MERTK: variants seen among roughly 807,000 people sequenced by gnomAD.
MERTK encodes the protein MER proto-oncogene, tyrosine kinase.
In MERTK, 69 loss-of-function variants were observed where a neutral mutation model predicts 99.3. That is an observed-to-expected ratio of 0.70 (90% CI 0.57 to 0.85). MERTK has a LOEUF of 0.85. Among genes scored for constraint, MERTK ranks in the 40% least tolerant of loss-of-function variants. The probability of loss-of-function intolerance (pLI) is 0.00; values close to 1 mark genes in which losing one functional copy is unlikely to be tolerated. For missense variants in MERTK, 1,125 were observed against 1,249.4 expected, an observed-to-expected ratio of 0.90 and a Z score of 1.50; for synonymous variants, 426 against 467.6, an observed-to-expected ratio of 0.91 and a Z score of 1.15.
At chr2:111,975,599 T>C in intron 7 of MERTK, 127 bp downstream of exon 7, 1 of 977,108 alleles carries the variant, frequency 1.0e-6, no homozygotes, top group Admixed American at 1.9e-5. Context: ...GAGAAAATTA[T>C]TGAGGCGACT....
In MERTK at chr2:112,019,497, C is replaced by T. The variant is rs541717028; in HGVS notation, c.2164C>T (p.Arg722Ter). ...EYLSNRNFLH[R>*]DLAARNCMLR... is the part of the protein sequence containing the mutation. ...TCTGAGCAACAGGAATTTTCTTCAT[C>T]GAGATTTAGCTGCTCGAAACTGCAT... The change falls in exon 16 of 19, where the codon CGA (arginine) becomes TGA (stop). Residue 722 changes from arginine to a stop codon, truncating the protein, a stop_gained. Coordinates refer to ENST00000295408, the MANE Select transcript of MERTK (RefSeq NM_006343.3). LOFTEE classifies it high-confidence loss of function. 19 of 1,613,284 alleles carry T rather than the reference C, an allele frequency of 1.2e-5. No homozygotes were observed. Among genetic ancestry groups the T allele is most frequent in the African/African-American group, 4.0e-5 (3 of 74,984 alleles).
intron 7 of MERTK, among the ~76,000 whole-genome samples, chr2:111,977,367 A>G (rs1016565984): frequency 6.6e-6 from 1 of 152,272 alleles, no homozygotes; most frequent in Middle Eastern, 3.4e-3. Context: ...TTTTACTTTC[A>G]GTACATTAAA....
chr2:111,961,231 G>T (rs964668911), intron 4 of MERTK, among the ~76,000 whole-genome samples: 1 of 139,038 alleles, frequency 7.2e-6, no homozygotes, highest in Non-Finnish European at 1.5e-5. Context: ...GTGTGATCTC[G>T]GCTCACTGCA....
rs1676771800 is a variant in MERTK, at chr2:111,997,429, A to G, written c.1557A>G (p.Leu519=). 1.2e-6 allele frequency: 2 copies of G among 1,613,952 alleles called. No individual in the cohort carries two copies. The highest frequency in any genetic ancestry group is 1.7e-5 in the Admixed American group (1 of 59,990). Residue 519 remains leucine, a synonymous_variant, in exon 10 of 19, where the codon TTA becomes TTG. Coordinates refer to ENST00000295408, the MANE Select transcript of MERTK (RefSeq NM_006343.3). ...FCGFILIGLI[L]YISLAIRKRV... ...GATTTATTTTGATTGGGTTGATTTT[A>G]TACATCTCCTTGGCCATCAGAAAAA...
At chr2:112,009,494 C>A (rs1024615818) in intron 14 of MERTK, among the ~76,000 whole-genome samples, 1 of 152,218 alleles carries the variant, frequency 6.6e-6, no homozygotes, top group African/African-American at 2.4e-5. Context: ...GACTTCTTCA[C>A]GTGATTAAAT....
At chr2:111,948,343 T>C (rs1684996801) in intron 4 of MERTK, among the ~76,000 whole-genome samples, 1 of 152,174 alleles carries the variant, frequency 6.6e-6, no homozygotes, top group Admixed American at 6.5e-5. Context: ...GAGTTTTGAA[T>C]GGCAGGGCTC....
At chr2:111,918,803 T>G (rs1684401726) in intron 1 of MERTK, among the ~76,000 whole-genome samples, 1 of 152,186 alleles carries the variant, frequency 6.6e-6, no homozygotes, top group African/African-American at 2.4e-5. Context: ...TGTGCATTGT[T>G]TCACGTGCAA....
At chr2:111,958,574 A>C (rs1241925480) in intron 4 of MERTK, among the ~76,000 whole-genome samples, 3 of 152,142 alleles carry the variant, frequency 2.0e-5, no homozygotes, top group African/African-American at 7.2e-5. Context: ...GACCTTGTAC[A>C]CTGTTTTAAT....
At chr2:112,019,144 C>G (rs1677279314) in intron 15 of MERTK, among the ~76,000 whole-genome samples, 1 of 152,082 alleles carries the variant, frequency 6.6e-6, no homozygotes, top group Non-Finnish European at 1.5e-5. Flanking sequence ...GACCTCATAC[C>G]TTCTAAAAAG....
intron 2 of MERTK, 107 bp downstream of exon 2, chr2:111,929,647 C>A: frequency 4.4e-6 from 4 of 900,978 alleles, no homozygotes; most frequent in Non-Finnish European, 6.2e-6. Context: ...AGTGCAGTGG[C>A]ACGATCTCAG....
intron 15 of MERTK, chr2:112,013,483 A>G (rs1677150922): frequency 6.5e-6 from 1 of 154,390 alleles, no homozygotes; most frequent in Non-Finnish European, 1.5e-5. Flanking sequence ...CCTTCACGTC[A>G]CTACATACAC....
chr2:111,983,368 G>A (rs929575175), intron 8 of MERTK, among the ~76,000 whole-genome samples: 3 of 152,194 alleles, frequency 2.0e-5, no homozygotes, highest in African/African-American at 7.2e-5. Flanking sequence ...GGGCTTAGCA[G>A]TCCAGCAATT....
At chr2:111,900,918 G>GGGA (rs1684031175) in intron 1 of MERTK, among the ~76,000 whole-genome samples, 2 of 152,146 alleles carry the variant, frequency 1.3e-5, no homozygotes, top group African/African-American at 4.8e-5. Flanking sequence ...GACCACACAG[G>GGGA]GGAGACAGAG....
intron 1 of MERTK, among the ~76,000 whole-genome samples, chr2:111,916,212 C>T (rs551705234): frequency 5.3e-5 from 8 of 152,212 alleles, no homozygotes; most frequent in Non-Finnish European, 7.4e-5. Flanking sequence ...CTGCAAGCTC[C>T]GCCTCCCGGG....
At chr2:111,991,017 G>A (rs1224284439) in intron 8 of MERTK, among the ~76,000 whole-genome samples, 12 of 152,144 alleles carry the variant, frequency 7.9e-5, no homozygotes, top group Admixed American at 6.5e-4. Context: ...GCATCAGGCC[G>A]TGAGGCTTGT....
chr2:111,962,256 C>T (rs980788671), intron 4 of MERTK, among the ~76,000 whole-genome samples: 8 of 152,086 alleles, frequency 5.3e-5, no homozygotes, highest in Non-Finnish European at 8.8e-5. Context: ...ACCTGTAATC[C>T]TAGCGTTTTA....
chr2:112,008,574 G>T (rs372817745), intron 14 of MERTK, 99 bp downstream of exon 14: 3 of 868,462 alleles, frequency 3.5e-6, no homozygotes, highest in East Asian at 2.4e-5. Context: ...TTTACACTTC[G>T]TATAACCCCA....
rs201723338 is a variant in MERTK at position 111,971,500 on chromosome 2, CGTT to C, written c.960+3264_960+3266del. ...CTTTAGCTGCATCCCATAAGGTTTT[CGTT>C]GTTGTTGTTGTTGTTCATCTCAAGT... On this transcript the variant is annotated intron_variant, in intron 6 of 18. Coordinates refer to ENST00000295408, the MANE Select transcript of MERTK (RefSeq NM_006343.3). Among the ~76,000 whole-genome samples, 1,046 of 151,814 alleles carry C rather than the reference CGTT, an allele frequency of 6.9e-3. 14 individuals are homozygous for C. Among genetic ancestry groups the C allele is most frequent in the African/African-American group, 0.023 (946 of 41,452 alleles).
chr2:111,927,528 T>C (rs1684589107), intron 1 of MERTK, among the ~76,000 whole-genome samples: 1 of 152,034 alleles, frequency 6.6e-6, no homozygotes, highest in Non-Finnish European at 1.5e-5. Flanking sequence ...TTAAACTAGC[T>C]GGACATGGTA....
Sources: gnomAD v4.1 joint callset for allele counts (sites outside exome capture counted in the v4.1 genomes callset) on GRCh38, gnomAD v4.1.1 for gene constraint, MANE v1.5 for transcripts, NCBI Gene and HGNC (gene_info 2026-07-23, HGNC 2026-07-21) for gene names.